The following STAC variants were observed in gnomAD, a reference collection of about 807,000 sequenced individuals.
The protein encoded by STAC is SH3 and cysteine rich domain.
Under a neutral mutation model 48.8 loss-of-function variants are expected in STAC, and 43 were observed. That is an observed-to-expected ratio of 0.88 (90% confidence interval 0.69 to 1.14). The LOEUF is 1.14. STAC is among the 50% of genes most tolerant of loss of function. The probability of loss-of-function intolerance (pLI) is 0.00; values close to 1 mark genes in which losing one functional copy is unlikely to be tolerated. For missense variants in STAC, 497 were observed against 504.0 expected (o/e 0.99, Z 0.13); for synonymous variants, 193 against 179.5 (o/e 1.07, Z -0.60).
chr3:36,449,719 G>A (rs1005015805), intron 2 of STAC, among the ~76,000 whole-genome samples: 3 of 152,170 alleles, frequency 2.0e-5, no homozygotes, highest in Non-Finnish European at 1.5e-5. Flanking sequence ...AATTGATGCT[G>A]GTAGACTTCA....
chr3:36,488,379 T>C lies in STAC; in HGVS notation c.687+2130T>C, dbSNP rs1697872839. 2.0e-5 allele frequency among the ~76,000 whole-genome samples: 3 copies of C among 152,212 alleles called. No individual in the cohort carries two copies. In the South Asian group the frequency reaches 6.2e-4, roughly 32 times the overall value. ...CAGAGCCACTCATGCTTGGGCAGTGTTAGAAACCCCTGACTTACTCGAGGG... is the reference window on the plus strand; with the variant it reads ...CAGAGCCACTCATGCTTGGGCAGTGCTAGAAACCCCTGACTTACTCGAGGG... On this transcript the variant is annotated intron_variant, in intron 5 of 10. Coordinates refer to ENST00000273183, the MANE Select transcript of STAC (RefSeq NM_003149.3).
chr3:36,426,683 C>A (rs1352995162), intron 1 of STAC, among the ~76,000 whole-genome samples: 3 of 151,726 alleles, frequency 2.0e-5, no homozygotes, highest in Non-Finnish European at 2.9e-5. Context: ...AAGTTCTAAC[C>A]CCCTACTAAT....
At chr3:36,462,242 A>G (rs1306114863) in intron 2 of STAC, among the ~76,000 whole-genome samples, 1 of 152,122 alleles carries the variant, frequency 6.6e-6, no homozygotes, top group African/African-American at 2.4e-5. Context: ...GAAACTGTCT[A>G]CTATAAGTTT....
In STAC at chr3:36,504,453, A is replaced by G. The variant is rs1185767616; in HGVS notation, c.827A>G (p.His276Arg). The change falls in exon 7 of 11, where the codon CAC (histidine) becomes CGC (arginine). Residue 276 changes from histidine (H) to arginine (R), a missense_variant. His to Arg is a conservative substitution (Grantham distance 29, BLOSUM62 0). Coordinates refer to ENST00000273183, the MANE Select transcript of STAC (RefSeq NM_003149.3). ...AGAGATCCAGCGAAGAACATAAACC[A>G]CCAGGTATTTATGGATGTCACAGAA... The part of the protein sequence containing the change: ...DFRDPAKNIN[H>R]QGSLSKDPLQ... 2 of 1,613,324 alleles carry G rather than the reference A, an allele frequency of 1.2e-6. No homozygotes were observed. Among genetic ancestry groups the G allele is most frequent in the African/African-American group, 2.7e-5 (2 of 74,884 alleles).
chr3:36,387,611 T>C (rs2125613119), intron 1 of STAC, among the ~76,000 whole-genome samples: 1 of 152,286 alleles, frequency 6.6e-6, no homozygotes, highest in African/African-American at 2.4e-5. Flanking sequence ...GATTGAATTA[T>C]TTCAGTTAGC....
chr3:36,464,981 A>T (rs1256455244), intron 2 of STAC, among the ~76,000 whole-genome samples: 9 of 152,136 alleles, frequency 5.9e-5, no homozygotes, highest in African/African-American at 1.7e-4. Context: ...GTAAATAGCC[A>T]GTACTGGGAT....
At chr3:36,529,185 TACC>T in intron 10 of STAC, 200 bp downstream of exon 10, 1 of 442,844 alleles carries the variant, frequency 2.3e-6, no homozygotes, top group South Asian at 5.7e-5. Context: ...CACTTGGTGA[TACC>T]TGTTCATAAA....
intron 8 of STAC, among the ~76,000 whole-genome samples, chr3:36,514,591 T>A (rs77496545): frequency 3.4e-4 from 52 of 152,284 alleles, no homozygotes; most frequent in African/African-American, 1.3e-3. Flanking sequence ...AACCCTCATA[T>A]CCCTAGAGCA....
chr3:36,512,415 C>T (rs551515926), intron 8 of STAC, among the ~76,000 whole-genome samples: 1 of 152,242 alleles, frequency 6.6e-6, no homozygotes, highest in South Asian at 2.1e-4. Flanking sequence ...GCAATAAGTA[C>T]ACCATATTGG....
chr3:36,422,861 G>C (rs1464343912), intron 1 of STAC, among the ~76,000 whole-genome samples: 1 of 152,070 alleles, frequency 6.6e-6, no homozygotes, highest in Non-Finnish European at 1.5e-5. Flanking sequence ...AAATATGTAG[G>C]TACAAAATGT....
At chr3:36,453,044 G>C (rs1287882269) in intron 2 of STAC, among the ~76,000 whole-genome samples, 1 of 152,234 alleles carries the variant, frequency 6.6e-6, no homozygotes. Context: ...ACCCCATTTT[G>C]GGTACCAGTT....
chr3:36,454,393 C>G (rs1469421686), intron 2 of STAC, among the ~76,000 whole-genome samples: 1 of 152,004 alleles, frequency 6.6e-6, no homozygotes, highest in South Asian at 2.1e-4. Context: ...GCCAGCGAGA[C>G]CACGAACCCA....
At chr3:36,460,766 T>G (rs55768528) in intron 2 of STAC, among the ~76,000 whole-genome samples, 1 of 152,050 alleles carries the variant, frequency 6.6e-6, no homozygotes, top group Admixed American at 6.6e-5. Flanking sequence ...CTAACTAATA[T>G]GGTTAAAAGT....
chr3:36,506,038 C>T, intron 8 of STAC: 1 of 406,534 alleles, frequency 2.5e-6, no homozygotes, highest in Non-Finnish European at 4.5e-6. Context: ...GAGGCAGGGC[C>T]TCAGAAGTTG....
intron 1 of STAC, among the ~76,000 whole-genome samples, chr3:36,399,082 T>TAA (rs1317347333): frequency 6.6e-6 from 1 of 151,630 alleles, no homozygotes; most frequent in Admixed American, 6.7e-5. Context: ...TGGCAGGACT[T>TAA]TTTTTTTAAC....
chr3:36,481,915 C>A (rs1697657752), intron 2 of STAC, among the ~76,000 whole-genome samples: 1 of 152,196 alleles, frequency 6.6e-6, no homozygotes, highest in Non-Finnish European at 1.5e-5. Flanking sequence ...GAGGAGACAA[C>A]AGAGCACACC....
In STAC at chr3:36,380,573, G is replaced by A; in HGVS notation, c.-71G>A. On this transcript the variant is annotated 5_prime_UTR_variant, in exon 1 of 11. Coordinates refer to ENST00000273183, the MANE Select transcript of STAC (RefSeq NM_003149.3). Reference sequence around the variant, plus strand: ...CCGGAGCTGAGCAGCCTGGCGCGCGGCGGGCAGGGCGCGCAGGACAGAAGC... The same window carrying A: ...CCGGAGCTGAGCAGCCTGGCGCGCGACGGGCAGGGCGCGCAGGACAGAAGC... 7.8e-7 allele frequency: 1 copy of A among 1,280,972 alleles called. No homozygotes were observed. The highest frequency in any genetic ancestry group is 1.1e-6 in the Non-Finnish European group (1 of 906,160). 79.4% of individuals were successfully genotyped at this position (1,280,972 alleles called of 1,614,324 possible). A position where few individuals can be genotyped will look rare whatever the true frequency, so the allele number is the denominator to read the frequency against.
At chr3:36,501,652 T>C (rs1373849625) in intron 6 of STAC, among the ~76,000 whole-genome samples, 1 of 152,200 alleles carries the variant, frequency 6.6e-6, no homozygotes, top group Non-Finnish European at 1.5e-5. Context: ...GAATCAATAT[T>C]TTAAATTTTG....
chr3:36,446,804 C>A (rs1258606559), intron 2 of STAC, among the ~76,000 whole-genome samples: 1 of 152,190 alleles, frequency 6.6e-6, no homozygotes, highest in Non-Finnish European at 1.5e-5. Flanking sequence ...ACTTAGAAGA[C>A]ACAGCATATT....
Sources: gnomAD v4.1 joint callset for allele counts (sites outside exome capture counted in the v4.1 genomes callset) on GRCh38, gnomAD v4.1.1 for gene constraint, MANE v1.5 for transcripts, NCBI Gene and HGNC (gene_info 2026-07-23, HGNC 2026-07-21) for gene names.